RASA2: variants seen among roughly 807,000 people sequenced by gnomAD.
RASA2 encodes RAS p21 protein activator 2.
A neutral mutation model predicts 118.2 loss-of-function variants in RASA2; 155 were observed. The observed-to-expected ratio is 1.31, with a 90% CI of 1.15 to 1.50. The LOEUF (loss-of-function observed/expected upper bound fraction) is 1.50, where lower values mean the gene tolerates loss of function less well. Ranked by LOEUF, RASA2 falls within the 40% of genes most tolerant of loss-of-function variation. The probability of loss-of-function intolerance (pLI) is 0.00; values close to 1 mark genes in which losing one functional copy is unlikely to be tolerated. For synonymous variants in RASA2, 353 were observed against 349.1 expected, an observed-to-expected ratio of 1.01 and a Z score of -0.12; for missense variants, 1,016 against 1,009.6, an observed-to-expected ratio of 1.01 and a Z score of -0.09.
chr3:141,511,434 A>G (rs2081949333), intron 1 of RASA2, among the ~76,000 whole-genome samples: 1 of 152,154 alleles, frequency 6.6e-6, no homozygotes, highest in Admixed American at 6.5e-5. Flanking sequence ...CCAGGGGGAG[A>G]AGTCAGCAGA....
At chr3:141,489,921 A>G (rs979832356) in intron 1 of RASA2, among the ~76,000 whole-genome samples, 30 of 151,786 alleles carry the variant, frequency 2.0e-4, no homozygotes, top group African/African-American at 5.8e-4. Flanking sequence ...ACCTCAATAT[A>G]TATAAAGGAT....
At chr3:141,540,039 A>G (rs1006764249) in intron 4 of RASA2, among the ~76,000 whole-genome samples, 12 of 152,144 alleles carry the variant, frequency 7.9e-5, no homozygotes, top group Admixed American at 2.0e-4. Flanking sequence ...CATAGTAGAC[A>G]TTCCATAAAT....
chr3:141,512,628 T>A (rs2081967851), intron 2 of RASA2, among the ~76,000 whole-genome samples: 1 of 152,234 alleles, frequency 6.6e-6, no homozygotes, highest in Admixed American at 6.5e-5. Context: ...AGATGTCTCA[T>A]CTTTGAAAGT....
chr3:141,564,824 CT>C (rs1331922561), intron 9 of RASA2, among the ~76,000 whole-genome samples: 3 of 152,152 alleles, frequency 2.0e-5, no homozygotes, highest in Non-Finnish European at 4.4e-5. Flanking sequence ...CTTCTCCCTA[CT>C]TTTGTAAGTG....
intron 3 of RASA2, among the ~76,000 whole-genome samples, chr3:141,527,495 G>A (rs9843866): frequency 0.25 from 38,408 of 151,808 alleles, 5,449 homozygotes; most frequent in Non-Finnish European, 0.32. Flanking sequence ...ATGTATAGAT[G>A]TATTTCTGTA....
At chr3:141,591,646 C>G (rs1007627822) in intron 19 of RASA2, among the ~76,000 whole-genome samples, 6 of 152,174 alleles carry the variant, frequency 3.9e-5, no homozygotes, top group African/African-American at 1.4e-4. Context: ...AAATTCTGTT[C>G]TGTAGAATTT....
At position 141,612,976 on chromosome 3, in the gene RASA2, AT is replaced by A. The variant is rs2083675177; in HGVS notation, c.*666del. ...GTGCTATTGTGTGCATCTTGTTTAC[AT>A]TTGGGATCAGTGATGGCAAAAGAAG... On this transcript the variant is annotated 3_prime_UTR_variant, in exon 24 of 24. Transcript: ENST00000286364. 6.6e-6 allele frequency: 1 copy of A among 152,212 alleles called. No individual in the cohort carries two copies. The highest frequency in any genetic ancestry group is 1.5e-5 in the Non-Finnish European group (1 of 68,028). The allele number at this position is 152,212 out of a possible 1,614,324, so 9.4% of individuals were successfully genotyped here. A position where few individuals can be genotyped will look rare whatever the true frequency, so the allele number is the denominator to read the frequency against.
chr3:141,568,293 A>G (rs2082855936), intron 9 of RASA2, among the ~76,000 whole-genome samples: 1 of 152,136 alleles, frequency 6.6e-6, no homozygotes, highest in Admixed American at 6.5e-5. Context: ...AGGAGAGTAG[A>G]ATATGATAAC....
chr3:141,577,502 G>A (rs2083032730), intron 15 of RASA2, among the ~76,000 whole-genome samples: 1 of 151,948 alleles, frequency 6.6e-6, no homozygotes, highest in Admixed American at 6.5e-5. Flanking sequence ...GGTTAATTTT[G>A]CAGATATTTT....
intron 19 of RASA2, among the ~76,000 whole-genome samples, chr3:141,601,587 T>C (rs2083465139): frequency 6.6e-6 from 1 of 152,232 alleles, no homozygotes; most frequent in Non-Finnish European, 1.5e-5. Context: ...TGGACTTCAT[T>C]GAAAAGAAAG....
At chr3:141,535,008 A>G (rs2082308034) in intron 4 of RASA2, among the ~76,000 whole-genome samples, 1 of 152,130 alleles carries the variant, frequency 6.6e-6, no homozygotes. Context: ...GTACAGGCAT[A>G]CCTTCTTTCA....
chr3:141,493,964 T>C (rs1034683427), intron 1 of RASA2, among the ~76,000 whole-genome samples: 5 of 152,208 alleles, frequency 3.3e-5, no homozygotes, highest in Admixed American at 2.0e-4. Flanking sequence ...CTTAACAACA[T>C]AGCTTGAAGA....
intron 3 of RASA2, among the ~76,000 whole-genome samples, chr3:141,526,839 C>T (rs1577684697): frequency 1.3e-5 from 2 of 152,330 alleles, no homozygotes; most frequent in East Asian, 3.9e-4. Context: ...GGACAAGAAA[C>T]ATTCAACTCT....
At chr3:141,567,624 G>A (rs1235995089) in intron 9 of RASA2, among the ~76,000 whole-genome samples, 2 of 152,076 alleles carry the variant, frequency 1.3e-5, no homozygotes, top group South Asian at 2.1e-4. Context: ...TGCAATTCGT[G>A]TCATAATTGT....
At chr3:141,596,069 A>G (rs2083361391) in intron 19 of RASA2, among the ~76,000 whole-genome samples, 1 of 152,236 alleles carries the variant, frequency 6.6e-6, no homozygotes, top group South Asian at 2.1e-4. Flanking sequence ...GGTGCAGAAT[A>G]CATATTCTTT....
chr3:141,487,123 G>A lies in RASA2; in HGVS notation c.40G>A (p.Glu14Lys). The A allele has an allele frequency of 1.4e-6, 2 of 1,431,404 alleles. No individual in the cohort carries two copies. The highest frequency in any genetic ancestry group is 1.4e-5 in the South Asian group (1 of 73,272). The allele number at this position is 1,431,404 out of a possible 1,614,324, so 88.7% of individuals were successfully genotyped here. Residue 14 changes from glutamate to lysine, a missense_variant, in exon 1 of 24, where the codon GAG (glutamate) becomes AAG (lysine). By Grantham distance (56) the Glu-to-Lys change is moderately conservative. Around this residue, in one of 2 missense-constraint regions of RASA2, gnomAD observed 896 missense variants for 836.4 expected, o/e 1.07. Coordinates refer to ENST00000286364, the MANE Select transcript of RASA2 (RefSeq NM_006506.5). ...AAPAAAAASS[E>K]APAASATAEP... Reference sequence around the variant, plus strand: ...GCCTGCTGCTGCGGCGGCTTCTTCCGAGGCGCCAGCGGCGAGTGCGACTGC... The same window carrying A: ...GCCTGCTGCTGCGGCGGCTTCTTCCAAGGCGCCAGCGGCGAGTGCGACTGC...
At chr3:141,487,309 C>G in intron 1 of RASA2, 93 bp downstream of exon 1, 1 of 1,174,070 alleles carries the variant, frequency 8.5e-7, no homozygotes, top group African/African-American at 1.7e-5. Context: ...CGCCGAGCTG[C>G]GCTGGGATCG....
intron 1 of RASA2, among the ~76,000 whole-genome samples, chr3:141,495,607 A>G (rs1357348889): frequency 6.9e-6 from 1 of 145,704 alleles, no homozygotes; most frequent in Non-Finnish European, 1.5e-5. Context: ...TATTTTCCTC[A>G]TTGTTGTTGT....
chr3:141,593,535 C>T (rs2107784940), intron 19 of RASA2, among the ~76,000 whole-genome samples: 1 of 152,176 alleles, frequency 6.6e-6, no homozygotes, highest in Admixed American at 6.5e-5. Flanking sequence ...ATGTGAACTC[C>T]TCTGAAATAT....
Sources: gnomAD v4.1 joint callset for allele counts (sites outside exome capture counted in the v4.1 genomes callset) on GRCh38, gnomAD v4.1.1 for gene constraint, gnomAD v4.1.1 regional missense constraint, MANE v1.5 for transcripts, NCBI Gene and HGNC (gene_info 2026-07-23, HGNC 2026-07-21) for gene names.